DNAH11: variants seen among roughly 807,000 people sequenced by gnomAD.
The protein encoded by DNAH11 is axonemal beta dynein heavy chain 11.
A neutral mutation model predicts 526.0 loss-of-function variants in DNAH11; 442 were observed. The ratio of observed to expected loss-of-function variants is 0.84; its 90% CI spans 0.78 to 0.91. The LOEUF is 0.91. Among genes scored for constraint, DNAH11 ranks in the 40% least tolerant of loss-of-function variants. The probability of loss-of-function intolerance (pLI) is 0.00; values close to 1 mark genes in which losing one functional copy is unlikely to be tolerated. For synonymous variants in DNAH11, 2,461 were observed against 1,935.9 expected, an observed-to-expected ratio of 1.27 and a Z score of -7.12; for missense variants, 6,989 against 5,448.7, an observed-to-expected ratio of 1.28 and a Z score of -8.90.
At position 21,711,878 on chromosome 7, in the gene DNAH11, T is replaced by A; in HGVS notation, c.6983+18T>A. On this transcript the variant is annotated intron_variant, in intron 42 of 81. Transcript: ENST00000409508. ...TGGAATCCGTGAGTATTTCTTTTTG[T>A]TTTATTGTAGTAAATTGTATGTAAC... is the stretch of plus-strand genomic sequence containing the variant. The A allele has an allele frequency of 6.3e-7, 1 of 1,589,254 alleles. No homozygotes were observed. The highest frequency in any genetic ancestry group is 1.1e-5 in the South Asian group (1 of 88,398).
At position 21,600,876 on chromosome 7, in the gene DNAH11, T is replaced by C. The variant is rs367776408; in HGVS notation, c.3201T>C (p.His1067=). ...TGTCTTCCGATGAAATGGATGCTCA[T>C]GCAAATGAAGAAATTCCCGAACAAC... The part of the protein sequence containing the change: ...HAVSSDEMDA[H]ANEEIPEQPP... Residue 1067 remains histidine (H), a synonymous_variant, in exon 16 of 82, where the codon CAT becomes CAC. Transcript: ENST00000409508. The C allele has an allele frequency of 5.8e-5, 93 of 1,613,968 alleles. No individual in the cohort carries two copies. The East Asian group carries it at 8.7e-4, about 15-fold the overall frequency.
rs565991491 is a variant in DNAH11, at chr7:21,719,539, A to G, written c.7135-1186A>G. ...TTGATTTCAACAGTGCCTTAGAACAACATGGCTTCTACTAAAAAATAACAA... is the reference window on the plus strand; with the variant it reads ...TTGATTTCAACAGTGCCTTAGAACAGCATGGCTTCTACTAAAAAATAACAA... On this transcript the variant is annotated intron_variant, in intron 43 of 81. Transcript: ENST00000409508. 3.0e-3 allele frequency among the ~76,000 whole-genome samples: 462 copies of G among 152,330 alleles called. 2 individuals are homozygous for G. The highest frequency in any genetic ancestry group is 0.011 in the African/African-American group (445 of 41,574).
intron 8 of DNAH11, among the ~76,000 whole-genome samples, chr7:21,576,891 T>C (rs936478419): frequency 6.6e-6 from 1 of 152,134 alleles, no homozygotes; most frequent in Non-Finnish European, 1.5e-5. Flanking sequence ...GAAAGAGAAA[T>C]GTGTCTATGT....
intron 58 of DNAH11, 108 bp downstream of exon 58, chr7:21,784,648 T>A: frequency 1.4e-6 from 1 of 723,562 alleles, no homozygotes; most frequent in African/African-American, 1.8e-5. Context: ...AAAAAGTATT[T>A]TAAAAGGAAA....
At chr7:21,897,416 G>A (rs780606806) in intron 79 of DNAH11, among the ~76,000 whole-genome samples, 4 of 144,986 alleles carry the variant, frequency 2.8e-5, no homozygotes, top group Non-Finnish European at 6.1e-5. Context: ...AAATGCTGCC[G>A]TGGAGATGTC....
At chr7:21,716,707 C>G (rs1784678440) in intron 42 of DNAH11, among the ~76,000 whole-genome samples, 1 of 152,126 alleles carries the variant, frequency 6.6e-6, no homozygotes, top group South Asian at 2.1e-4. Context: ...TTCCATTGTT[C>G]CGCGGTTCCC....
At chr7:21,609,059 AT>A (rs887875995) in intron 20 of DNAH11, among the ~76,000 whole-genome samples, 3 of 152,236 alleles carry the variant, frequency 2.0e-5, no homozygotes, top group African/African-American at 7.2e-5. Context: ...CTTTCCACAA[AT>A]AAGGAGAACA....
chr7:21,785,518 AT>A (rs1371207166), intron 58 of DNAH11, among the ~76,000 whole-genome samples: 1 of 152,218 alleles, frequency 6.6e-6, no homozygotes, highest in Non-Finnish European at 1.5e-5. Flanking sequence ...TATATGACTA[AT>A]TCTTTTGGTA....
intron 63 of DNAH11, among the ~76,000 whole-genome samples, chr7:21,811,788 T>C (rs1375004465): frequency 6.6e-6 from 1 of 152,094 alleles, no homozygotes; most frequent in Non-Finnish European, 1.5e-5. Flanking sequence ...GTCTTAATAG[T>C]ATTTAGAGTA....
At chr7:21,757,430 T>C (rs537883219) in intron 54 of DNAH11, among the ~76,000 whole-genome samples, 1 of 152,270 alleles carries the variant, frequency 6.6e-6, no homozygotes, top group South Asian at 2.1e-4. Flanking sequence ...TTCTTTTACC[T>C]TCTTTCTTCA....
rs186550645 is a variant in DNAH11 at position 21,765,306 on chromosome 7, G to A, written c.8941-122G>A. 8.5e-5 allele frequency: 120 copies of A among 1,414,288 alleles called. No homozygotes were observed. In the African/African-American group the frequency reaches 1.6e-3, roughly 18 times the overall value. 87.6% of individuals were successfully genotyped at this position (1,414,288 alleles called of 1,614,324 possible). A position where few individuals can be genotyped will look rare whatever the true frequency, so the allele number is the denominator to read the frequency against. ...TTAATGTTGCTGTCCACTCTCTAGGGCTTTAGGGTAGTTTAATGTCACAGT... is the reference window on the plus strand; with the variant it reads ...TTAATGTTGCTGTCCACTCTCTAGGACTTTAGGGTAGTTTAATGTCACAGT... On this transcript the variant is annotated intron_variant, in intron 54 of 81. Coordinates refer to ENST00000409508, the MANE Select transcript of DNAH11 (RefSeq NM_001277115.2).
chr7:21,680,990 T>C (rs73273563), intron 30 of DNAH11, among the ~76,000 whole-genome samples: 23,882 of 152,172 alleles, frequency 0.16, 2,089 homozygotes, highest in African/African-American at 0.24. Context: ...AGAGGGTCAG[T>C]CCAGTGCAGC....
intron 54 of DNAH11, among the ~76,000 whole-genome samples, chr7:21,763,358 A>AAAAT (rs373202036): frequency 7.4e-6 from 1 of 134,700 alleles, no homozygotes; most frequent in African/African-American, 2.7e-5. Context: ...AAAAAAAAAG[A>AAAAT]AAAAAAAAAA....
rs1207409225 is a variant in DNAH11 at position 21,720,848 on chromosome 7, C to G, written c.7258C>G (p.Gln2420Glu). ...CTGGGCTTTTGGAGGCACCCTGCTA[C>G]AAGATCAGGTATGTTTAGAAATAGT... ...CIWAFGGTLL[Q>E]DQISDYQADF... Residue 2420 changes from glutamine to glutamate, a missense_variant, in exon 44 of 82, where the codon CAA (glutamine) becomes GAA (glutamate). Physicochemically the swap from Gln to Glu is conservative, Grantham distance 29. Coordinates refer to ENST00000409508, the MANE Select transcript of DNAH11 (RefSeq NM_001277115.2). 5.0e-6 allele frequency: 8 copies of G among 1,612,478 alleles called. No homozygotes were observed. In the African/African-American group the frequency reaches 6.7e-5, roughly 13 times the overall value.
chr7:21,691,811 G>A (rs1438268650), intron 35 of DNAH11, among the ~76,000 whole-genome samples: 3 of 152,056 alleles, frequency 2.0e-5, no homozygotes, highest in Non-Finnish European at 2.9e-5. Flanking sequence ...ACCATTCACT[G>A]TTGTCTGTTA....
intron 29 of DNAH11, 33 bp from the exon 30 acceptor site, chr7:21,658,763 AGC>A (rs1463550388): frequency 1.3e-6 from 2 of 1,505,736 alleles, no homozygotes; most frequent in Non-Finnish European, 9.0e-7. Context: ...TCCATAGTTA[AGC>A]CTGTGTTATA....
At chr7:21,689,063 A>G (rs1241364665) in intron 34 of DNAH11, among the ~76,000 whole-genome samples, 2 of 152,188 alleles carry the variant, frequency 1.3e-5, no homozygotes, top group Non-Finnish European at 2.9e-5. Flanking sequence ...ATATTTCTAC[A>G]TTCTAGAAAA....
At position 21,750,494 on chromosome 7, in the gene DNAH11, A is replaced by G. The variant is rs139486314; in HGVS notation, c.8940+130A>G. Reference sequence around the variant, plus strand: ...TTTGAAAGGACGTGTGCATTTTTACACGCCTGTATCTGGAGCGTACCTTCC... The same window carrying G: ...TTTGAAAGGACGTGTGCATTTTTACGCGCCTGTATCTGGAGCGTACCTTCC... On this transcript the variant is annotated intron_variant, in intron 54 of 81. Transcript: ENST00000409508. 2.9e-5 allele frequency: 36 copies of G among 1,233,130 alleles called. No homozygotes were observed. The Middle Eastern group carries it at 6.8e-4, about 23-fold the overall frequency. 76.4% of individuals were successfully genotyped at this position (1,233,130 alleles called of 1,614,324 possible). A position where few individuals can be genotyped will look rare whatever the true frequency, so the allele number is the denominator to read the frequency against.
At chr7:21,847,688 T>G (rs1158070560) in intron 66 of DNAH11, among the ~76,000 whole-genome samples, 1 of 152,192 alleles carries the variant, frequency 6.6e-6, no homozygotes, top group African/African-American at 2.4e-5. Context: ...TCCGGTTGAT[T>G]GATGATGATG....
Sources: allele counts gnomAD v4.1 joint callset (sites outside exome capture counted in the v4.1 genomes callset), GRCh38; gene constraint gnomAD v4.1.1; transcripts MANE v1.5; gene names NCBI Gene and HGNC (gene_info 2026-07-23, HGNC 2026-07-21).